CMSS1: variants seen among roughly 807,000 people sequenced by gnomAD.
CMSS1 encodes the protein protein CMSS1.
CMSS1 carries 33 observed loss-of-function variants against 43.5 expected under a neutral mutation model. The ratio of observed to expected loss-of-function variants is 0.76; its 90% CI spans 0.57 to 1.01. The LOEUF (loss-of-function observed/expected upper bound fraction) is 1.01. CMSS1 is among the 50% of genes least tolerant of loss of function. CMSS1 has a pLI of 0.00. For missense variants in CMSS1, 313 were observed against 326.4 expected, an observed-to-expected ratio of 0.96 and a Z score of 0.32; for synonymous variants, 115 against 117.2, an observed-to-expected ratio of 0.98 and a Z score of 0.12.
intron 1 of CMSS1, chr3:99,849,197 A>T: frequency 1.9e-6 from 3 of 1,614,036 alleles, no homozygotes; most frequent in African/African-American, 2.7e-5. Flanking sequence ...TCCTCATATA[A>T]CTGACCATTG....
intron 1 of CMSS1, among the ~76,000 whole-genome samples, chr3:100,098,906 A>G (rs1230543670): frequency 6.6e-6 from 1 of 152,246 alleles, no homozygotes; most frequent in Non-Finnish European, 1.5e-5. Flanking sequence ...GCCTGGAACT[A>G]GATACTTCTC....
intron 1 of CMSS1, among the ~76,000 whole-genome samples, chr3:99,927,769 G>C (rs951997011): frequency 2.6e-5 from 4 of 152,000 alleles, no homozygotes; most frequent in African/African-American, 9.7e-5. Context: ...GGCTGGAAAG[G>C]AATAGGAGGT....
chr3:100,115,100 T>G (rs1270323273), intron 1 of CMSS1: 2 of 766,506 alleles, frequency 2.6e-6, no homozygotes, highest in East Asian at 5.6e-5. Context: ...CTAATTTTCT[T>G]TAAGTAGGAT....
At chr3:100,083,303 C>T (rs1474494519) in intron 1 of CMSS1, among the ~76,000 whole-genome samples, 1 of 152,178 alleles carries the variant, frequency 6.6e-6, no homozygotes, top group Non-Finnish European at 1.5e-5. Context: ...TAGTTAATTG[C>T]CAAAGGATTA....
intron 1 of CMSS1, among the ~76,000 whole-genome samples, chr3:100,139,549 G>A (rs1576098149): frequency 6.7e-6 from 1 of 148,626 alleles, no homozygotes; most frequent in African/African-American, 2.5e-5. Context: ...GTGTGTGTGT[G>A]TGTGTGTGTG....
chr3:99,848,750 T>C (rs780059578), intron 1 of CMSS1: 3 of 1,614,018 alleles, frequency 1.9e-6, no homozygotes, highest in Admixed American at 3.3e-5. Context: ...GCCATGGTAA[T>C]TGGGGACATG....
chr3:99,994,247 T>C (rs1055470523), intron 1 of CMSS1, among the ~76,000 whole-genome samples: 4 of 152,186 alleles, frequency 2.6e-5, no homozygotes, highest in Non-Finnish European at 4.4e-5. Context: ...CAAAGATTAC[T>C]AGACCTAAAG....
intron 1 of CMSS1, among the ~76,000 whole-genome samples, chr3:100,091,135 C>T (rs886805664): frequency 6.6e-6 from 1 of 151,548 alleles, no homozygotes; most frequent in Non-Finnish European, 1.5e-5. Flanking sequence ...AATACAAAAA[C>T]TTAGCTGGGC....
chr3:100,124,120 G>T (rs575192114), intron 1 of CMSS1, among the ~76,000 whole-genome samples: 3 of 152,276 alleles, frequency 2.0e-5, no homozygotes, highest in African/African-American at 7.2e-5. Flanking sequence ...AGAATAAAAG[G>T]TGCTGTATAC....
chr3:100,162,892 T>C (rs773945873), intron 4 of CMSS1, among the ~76,000 whole-genome samples: 2 of 152,072 alleles, frequency 1.3e-5, no homozygotes, highest in Non-Finnish European at 2.9e-5. Context: ...GAAGAATCAC[T>C]TGAATCTGGG....
chr3:99,850,627 TC>T, intron 1 of CMSS1: 2 of 1,614,024 alleles, frequency 1.2e-6, no homozygotes, highest in Non-Finnish European at 1.7e-6. Context: ...ATCTTGCAGC[TC>T]CTCTTCTGCT....
At chr3:100,073,044 ATAAT>A (rs1338433821) in intron 1 of CMSS1, among the ~76,000 whole-genome samples, 1 of 152,180 alleles carries the variant, frequency 6.6e-6, no homozygotes, top group African/African-American at 2.4e-5. Context: ...GAGGCAAAGC[ATAAT>A]TAGTTTATGT....
rs188093268 is a variant in CMSS1 at position 100,138,927 on chromosome 3, G to A, written c.65-8046G>A. On this transcript the variant is annotated intron_variant, in intron 1 of 9. Coordinates refer to ENST00000421999, the MANE Select transcript of CMSS1 (RefSeq NM_032359.4). ...TTGCAGCACTATTTACAATAGCAAAGTCATGGATCCAACCCAAATGCCCAT... is the reference window on the plus strand; with the variant it reads ...TTGCAGCACTATTTACAATAGCAAAATCATGGATCCAACCCAAATGCCCAT... Among the ~76,000 whole-genome samples the A allele has an allele frequency of 4.4e-4, 67 of 152,320 alleles. 1 individual carries two copies. The highest frequency in any genetic ancestry group is 3.5e-3 in the Admixed American group (54 of 15,304).
chr3:100,019,689 A>G (rs2064772731), intron 1 of CMSS1, among the ~76,000 whole-genome samples: 1 of 152,178 alleles, frequency 6.6e-6, no homozygotes, highest in Non-Finnish European at 1.5e-5. Context: ...TTCTCTTTTT[A>G]AACAGTATGA....
At chr3:99,994,639 G>A (rs550244327) in intron 1 of CMSS1, among the ~76,000 whole-genome samples, 66 of 152,226 alleles carry the variant, frequency 4.3e-4, no homozygotes, top group African/African-American at 1.5e-3. Context: ...CAATCACTGG[G>A]TGTATTAGTC....
At chr3:99,988,122 T>G (rs981862624) in intron 1 of CMSS1, among the ~76,000 whole-genome samples, 3 of 152,176 alleles carry the variant, frequency 2.0e-5, no homozygotes, top group African/African-American at 4.8e-5. Flanking sequence ...CAATAACTTT[T>G]TTTTCTATAA....
chr3:100,019,656 CA>C (rs1337365643), intron 1 of CMSS1, among the ~76,000 whole-genome samples: 1 of 151,880 alleles, frequency 6.6e-6, no homozygotes, highest in Non-Finnish European at 1.5e-5. Context: ...ACTGTCTTTC[CA>C]TTCCTTTTCT....
At chr3:100,038,155 C>T (rs1213808208) in intron 1 of CMSS1, among the ~76,000 whole-genome samples, 1 of 152,050 alleles carries the variant, frequency 6.6e-6, no homozygotes, top group African/African-American at 2.4e-5. Flanking sequence ...AGAGTTTCAC[C>T]ATACTGGCCA....
At chr3:100,056,038 TA>T (rs1292944343) in intron 1 of CMSS1, among the ~76,000 whole-genome samples, 1 of 152,084 alleles carries the variant, frequency 6.6e-6, no homozygotes, top group Non-Finnish European at 1.5e-5. Flanking sequence ...AAGACACAGG[TA>T]AAAGAAGATT....
Sources: gnomAD v4.1 joint callset for allele counts (sites outside exome capture counted in the v4.1 genomes callset) on GRCh38, gnomAD v4.1.1 for gene constraint, MANE v1.5 for transcripts, NCBI Gene and HGNC (gene_info 2026-07-23, HGNC 2026-07-21) for gene names.